The following CRYL1 variants were observed in gnomAD, a reference collection of about 807,000 sequenced individuals.
The protein encoded by CRYL1 is crystallin lambda 1.
CRYL1 carries 29 observed loss-of-function variants against 36.6 expected under a neutral mutation model. That is an observed-to-expected ratio of 0.79 (90% CI 0.59 to 1.08). The LOEUF is 1.08. Among genes scored for constraint, CRYL1 ranks in the 50% least tolerant of loss-of-function variants. The pLI, the probability that CRYL1 is intolerant of heterozygous loss-of-function variation, is 0.00. For synonymous variants in CRYL1, 152 were observed against 151.5 expected (o/e 1.00, Z -0.02); for missense variants, 411 against 407.9 (o/e 1.01, Z -0.06).
At position 20,494,367 on chromosome 13, in the gene CRYL1, C is replaced by T. The variant is rs555400940; in HGVS notation, c.150-4871G>A. Among the ~76,000 whole-genome samples, 9 of 152,230 alleles carry T rather than the reference C, an allele frequency of 5.9e-5. No homozygotes were observed. In the East Asian group the frequency reaches 1.7e-3, roughly 29 times the overall value. ...AAATGTAGAAAGAATAATAAACATC[C>T]TCATCTCTCCACCCTCCAGAACTAA... On this transcript the variant is annotated intron_variant, in intron 2 of 7. Coordinates refer to ENST00000298248, the MANE Select transcript of CRYL1 (RefSeq NM_015974.3).
At chr13:20,499,844 C>T (rs773413181) in intron 2 of CRYL1, among the ~76,000 whole-genome samples, 6 of 152,174 alleles carry the variant, frequency 3.9e-5, no homozygotes, top group East Asian at 1.9e-4. Flanking sequence ...ACAGAAATAA[C>T]CAAATTTCCT....
rs140428257 is a variant in CRYL1, at chr13:20,505,471, G to A, written c.149+6972C>T. Reference sequence around the variant, plus strand: ...GAATATGACTGGAAACATTACCTTCGGAGACTCTAGAAAAGGTTCCTGTGA... The same window carrying A: ...GAATATGACTGGAAACATTACCTTCAGAGACTCTAGAAAAGGTTCCTGTGA... On this transcript the variant is annotated intron_variant, in intron 2 of 7. Coordinates refer to ENST00000298248, the MANE Select transcript of CRYL1 (RefSeq NM_015974.3). Among the ~76,000 whole-genome samples, 315 of 152,134 alleles carry A rather than the reference G, an allele frequency of 2.1e-3. 5 individuals carry two copies. Among genetic ancestry groups the A allele is most frequent in the Admixed American group, 0.019 (284 of 15,266 alleles).
At chr13:20,502,426 G>C (rs1282700947) in intron 2 of CRYL1, 1 of 152,306 alleles carries the variant, frequency 6.6e-6, no homozygotes, top group Non-Finnish European at 1.5e-5. Flanking sequence ...GCCGAGGTGG[G>C]TGGATCACGA....
intron 5 of CRYL1, among the ~76,000 whole-genome samples, chr13:20,419,861 C>A (rs550242406): frequency 6.6e-6 from 1 of 152,350 alleles, no homozygotes; most frequent in South Asian, 2.1e-4. Context: ...TTGCTTCCCC[C>A]ACATGCAACA....
chr13:20,510,913 A>G (rs2033903519), intron 2 of CRYL1, among the ~76,000 whole-genome samples: 1 of 152,116 alleles, frequency 6.6e-6, no homozygotes, highest in Non-Finnish European at 1.5e-5. Context: ...CCGTGGCAAA[A>G]AAAAAGACTG....
chr13:20,491,612 G>A (rs1012517604), intron 2 of CRYL1, among the ~76,000 whole-genome samples: 9 of 152,142 alleles, frequency 5.9e-5, no homozygotes, highest in Non-Finnish European at 1.0e-4. Context: ...GCAACATGGT[G>A]AAACCTCGTC....
At chr13:20,407,463 T>C (rs542711692) in intron 6 of CRYL1, among the ~76,000 whole-genome samples, 1 of 152,254 alleles carries the variant, frequency 6.6e-6, no homozygotes, top group Non-Finnish European at 1.5e-5. Flanking sequence ...TCAACAATTA[T>C]TTTGGCTTCT....
At chr13:20,416,036 G>A (rs2031654476) in intron 5 of CRYL1, among the ~76,000 whole-genome samples, 1 of 152,336 alleles carries the variant, frequency 6.6e-6, no homozygotes, top group East Asian at 1.9e-4. Context: ...CGCGGCTGGG[G>A]CCCAGAGCAT....
chr13:20,434,070 T>C (rs1006506002), intron 4 of CRYL1, among the ~76,000 whole-genome samples: 6 of 152,216 alleles, frequency 3.9e-5, no homozygotes, highest in African/African-American at 1.4e-4. Context: ...TTGTCTCATG[T>C]GGGTTATCCC....
At chr13:20,449,150 A>G (rs1287284659) in intron 3 of CRYL1, among the ~76,000 whole-genome samples, 1 of 152,280 alleles carries the variant, frequency 6.6e-6, no homozygotes, top group Non-Finnish European at 1.5e-5. Flanking sequence ...CTTGGGTGAC[A>G]GAGTGAGACT....
intron 5 of CRYL1, chr13:20,426,914 C>G: frequency 1.0e-6 from 1 of 985,580 alleles, no homozygotes; most frequent in Admixed American, 6.1e-5. Flanking sequence ...CAGTCCAGCA[C>G]AGGGATGACA....
chr13:20,478,403 A>G (rs1403850739), intron 3 of CRYL1, among the ~76,000 whole-genome samples: 1 of 152,206 alleles, frequency 6.6e-6, no homozygotes, highest in Admixed American at 6.5e-5. Context: ...CATGAAGTCA[A>G]CTTTCTCACT....
rs1205693157 is a variant in CRYL1 at position 20,493,435 on chromosome 13, A to G, written c.150-3939T>C. Among the ~76,000 whole-genome samples, 8 of 152,276 alleles carry G rather than the reference A, an allele frequency of 5.3e-5. No homozygotes were observed. The East Asian group carries it at 1.5e-3, about 29-fold the overall frequency. On this transcript the variant is annotated intron_variant, in intron 2 of 7. Coordinates refer to ENST00000298248, the MANE Select transcript of CRYL1 (RefSeq NM_015974.3). ...AGCACTTTGGGAGGCCGAGGTGGGC[A>G]GATTACCTGAGCTCAGGAGTTTGAG...
intron 5 of CRYL1, among the ~76,000 whole-genome samples, chr13:20,416,814 T>G (rs1422753317): frequency 6.6e-6 from 1 of 152,174 alleles, no homozygotes; most frequent in Admixed American, 6.5e-5. Flanking sequence ...AGCCCCTAAC[T>G]AACGCCTGAG....
chr13:20,498,868 A>C (rs1367668272), intron 2 of CRYL1, among the ~76,000 whole-genome samples: 1 of 152,224 alleles, frequency 6.6e-6, no homozygotes, highest in Admixed American at 6.5e-5. Context: ...TGACTGTTTT[A>C]TAGTGACTTC....
At chr13:20,458,914 T>C (rs2032741882) in intron 3 of CRYL1, among the ~76,000 whole-genome samples, 1 of 152,216 alleles carries the variant, frequency 6.6e-6, no homozygotes, top group African/African-American at 2.4e-5. Flanking sequence ...CATTTTAAAA[T>C]ACAGACATTG....
In CRYL1 at chr13:20,507,741, A is replaced by G. The variant is rs544031970; in HGVS notation, c.149+4702T>C. Among the ~76,000 whole-genome samples the G allele has an allele frequency of 5.3e-5, 8 of 152,032 alleles. No homozygotes were observed. In the East Asian group the frequency reaches 5.8e-4, roughly 11 times the overall value. On this transcript the variant is annotated intron_variant, in intron 2 of 7. Transcript: ENST00000298248. The stretch of plus-strand genomic sequence containing the variant: ...AGACCATCCTGGCTAACACAGTGAA[A>G]CCCCGTCTCTACTAAAAATATAAAA...
intron 2 of CRYL1, 38 bp from the exon 3 acceptor site, chr13:20,489,534 A>T: frequency 6.2e-7 from 1 of 1,607,890 alleles, no homozygotes; most frequent in Non-Finnish European, 8.5e-7. Flanking sequence ...TGAGTATTCA[A>T]CACCACATTT....
intron 2 of CRYL1, among the ~76,000 whole-genome samples, chr13:20,495,475 CA>C (rs2137481503): frequency 6.6e-6 from 1 of 152,056 alleles, no homozygotes; most frequent in Admixed American, 6.5e-5. Flanking sequence ...GAAATGTACT[CA>C]AAAGGAGCAT....
Sources: allele counts gnomAD v4.1 joint callset (sites outside exome capture counted in the v4.1 genomes callset), GRCh38; gene constraint gnomAD v4.1.1; transcripts MANE v1.5; gene names NCBI Gene and HGNC (gene_info 2026-07-23, HGNC 2026-07-21).